Variants in KBTBD12 observed in about 807,000 individuals in gnomAD.
The protein encoded by KBTBD12 is kelch repeat and BTB domain-containing protein 12.
In KBTBD12, 53 loss-of-function variants were observed where a neutral mutation model predicts 58.7. The observed-to-expected ratio is 0.90, with a 90% CI of 0.72 to 1.14. KBTBD12 has a LOEUF of 1.14. Among genes scored for constraint, KBTBD12 ranks in the 50% most tolerant of loss-of-function variants. KBTBD12 has a pLI of 0.00. For missense variants in KBTBD12, 704 were observed against 751.3 expected (o/e 0.94, Z 0.74); for synonymous variants, 236 against 259.8 (o/e 0.91, Z 0.88).
chr3:127,950,714 T>G (rs1235796989), intron 4 of KBTBD12, among the ~76,000 whole-genome samples: 6 of 151,992 alleles, frequency 3.9e-5, no homozygotes, highest in African/African-American at 1.5e-4. Context: ...GCTAACTCAC[T>G]CCACAGGGAG....
At chr3:127,926,810 TTG>T (rs139562539) in intron 2 of KBTBD12, among the ~76,000 whole-genome samples, 3 of 152,144 alleles carry the variant, frequency 2.0e-5, no homozygotes, top group Non-Finnish European at 4.4e-5. Flanking sequence ...TCCTGTTTTT[TTG>T]TGTGTGTGTG....
intron 1 of KBTBD12, among the ~76,000 whole-genome samples, chr3:127,918,286 AC>A (rs1288716915): frequency 6.6e-6 from 1 of 152,256 alleles, no homozygotes; most frequent in Non-Finnish European, 1.5e-5. Flanking sequence ...CACAGTGTAC[AC>A]AACACAGGCA....
At chr3:127,947,793 T>C (rs1940115592) in intron 4 of KBTBD12, among the ~76,000 whole-genome samples, 1 of 152,220 alleles carries the variant, frequency 6.6e-6, no homozygotes, top group Non-Finnish European at 1.5e-5. Flanking sequence ...GCAGGGTTCC[T>C]CTGTCTGTGC....
intron 4 of KBTBD12, among the ~76,000 whole-genome samples, chr3:127,939,186 A>G (rs1939892599): frequency 6.6e-6 from 1 of 152,238 alleles, no homozygotes; most frequent in Admixed American, 6.5e-5. Flanking sequence ...AGCAAGAGCC[A>G]AAACTCAAAG....
At chr3:127,982,759 C>T (rs1376095863) in intron 5 of KBTBD12, among the ~76,000 whole-genome samples, 2 of 152,222 alleles carry the variant, frequency 1.3e-5, no homozygotes, top group African/African-American at 4.8e-5. Flanking sequence ...CTCCCCTGTC[C>T]CAGCTCCAGT....
At chr3:127,917,372 T>C (rs1171598603) in intron 1 of KBTBD12, among the ~76,000 whole-genome samples, 1 of 152,174 alleles carries the variant, frequency 6.6e-6, no homozygotes, top group Non-Finnish European at 1.5e-5. Context: ...TAGGATGAGA[T>C]ATGGGGGAAG....
rs1450069091 is a variant in KBTBD12 at position 127,930,214 on chromosome 3, C to T, written c.1423C>T (p.Arg475Trp). ...YDPSQDQWSV[R>W]APMKYSKYRF... ...CCCCAGCCAAGATCAATGGAGTGTG[C>T]GGGCACCCATGAAGTACTCTAAGTA... The change falls in exon 4 of 6, where the codon CGG (arginine) becomes TGG (tryptophan). Residue 475 changes from arginine (R) to tryptophan (W), a missense_variant. Arg to Trp is a moderately radical substitution (Grantham distance 101). Transcript: ENST00000405109. 2.5e-6 allele frequency: 4 copies of T among 1,608,526 alleles called. No individual in the cohort carries two copies. The highest frequency in any genetic ancestry group is 1.3e-5 in the African/African-American group (1 of 74,914).
chr3:127,954,373 C>T (rs1176312837), intron 4 of KBTBD12, among the ~76,000 whole-genome samples: 2 of 152,158 alleles, frequency 1.3e-5, no homozygotes, highest in African/African-American at 2.4e-5. Flanking sequence ...ATTCTGGGTT[C>T]AACCTCACTG....
intron 5 of KBTBD12, among the ~76,000 whole-genome samples, chr3:127,972,545 T>C (rs1047413829): frequency 3.9e-5 from 6 of 152,124 alleles, no homozygotes; most frequent in African/African-American, 1.4e-4. Context: ...CTAACAGAGC[T>C]CATTGAGGGC....
chr3:127,947,401 G>A (rs1940107018), intron 4 of KBTBD12, among the ~76,000 whole-genome samples: 1 of 152,214 alleles, frequency 6.6e-6, no homozygotes, highest in African/African-American at 2.4e-5. Flanking sequence ...ACTTTGGATG[G>A]TAAGCTGGAA....
intron 4 of KBTBD12, among the ~76,000 whole-genome samples, chr3:127,945,801 C>G (rs1021845726): frequency 4.0e-5 from 6 of 151,722 alleles, no homozygotes; most frequent in Non-Finnish European, 7.4e-5. Flanking sequence ...GCCTTAGCCT[C>G]CCGAGTAGCT....
chr3:127,984,387 C>T lies in KBTBD12; in HGVS notation c.*109C>T. The T allele has an allele frequency of 1.9e-6, 2 of 1,043,974 alleles. No homozygotes were observed. Among genetic ancestry groups the T allele is most frequent in the South Asian group, 1.6e-5 (1 of 62,782 alleles). 64.7% of individuals were successfully genotyped at this position (1,043,974 alleles called of 1,614,324 possible). On this transcript the variant is annotated 3_prime_UTR_variant, in exon 6 of 6. Coordinates refer to ENST00000405109, the MANE Select transcript of KBTBD12 (RefSeq NM_207335.4). Reference sequence around the variant, plus strand: ...GTCATGTGCACTGCATGCGTAGTGGCCTGTGTGTGAAGAAGCAGTGTGTGC... The same window carrying T: ...GTCATGTGCACTGCATGCGTAGTGGTCTGTGTGTGAAGAAGCAGTGTGTGC...
chr3:127,975,301 A>G (rs535654571), intron 5 of KBTBD12, among the ~76,000 whole-genome samples: 1 of 152,326 alleles, frequency 6.6e-6, no homozygotes, highest in East Asian at 1.9e-4. Flanking sequence ...CCTGGAGCTA[A>G]GAGAAAATCC....
intron 4 of KBTBD12, among the ~76,000 whole-genome samples, chr3:127,942,097 G>A (rs1233374615): frequency 6.6e-6 from 1 of 152,038 alleles, no homozygotes; most frequent in African/African-American, 2.4e-5. Context: ...ATCTAAAAGG[G>A]CCTATCTTTT....
intron 5 of KBTBD12, among the ~76,000 whole-genome samples, chr3:127,967,222 G>T (rs773165893): frequency 3.9e-5 from 6 of 152,184 alleles, no homozygotes; most frequent in Admixed American, 1.3e-4. Context: ...CCGAAAGAGT[G>T]GCCAGAATAG....
rs972810980 is a variant in KBTBD12, at chr3:127,941,527, A to C, written c.1492+11244A>C. Among the ~76,000 whole-genome samples, 3 of 152,196 alleles carry C rather than the reference A, an allele frequency of 2.0e-5. 1 individual carries two copies. In the South Asian group the frequency reaches 6.2e-4, roughly 32 times the overall value. On this transcript the variant is annotated intron_variant, in intron 4 of 5. Transcript: ENST00000405109. ...CCAAGAAGATACGAGAATTTCCTCA[A>C]CCTCTCAATCTGATAAAAGACACCT... is the stretch of plus-strand genomic sequence containing the variant.
At chr3:127,928,300 G>T (rs1274913759) in intron 3 of KBTBD12, among the ~76,000 whole-genome samples, 3 of 152,144 alleles carry the variant, frequency 2.0e-5, no homozygotes, top group Non-Finnish European at 4.4e-5. Flanking sequence ...AATTATGAAA[G>T]ATATTTGTGC....
intron 1 of KBTBD12, among the ~76,000 whole-genome samples, chr3:127,915,893 C>T (rs1007840593): frequency 7.9e-5 from 12 of 152,244 alleles, no homozygotes; most frequent in African/African-American, 2.9e-4. Context: ...CGTCGCTAGA[C>T]TGTAAGCACA....
At chr3:127,979,323 A>G (rs1940836661) in intron 5 of KBTBD12, among the ~76,000 whole-genome samples, 1 of 152,244 alleles carries the variant, frequency 6.6e-6, no homozygotes, top group African/African-American at 2.4e-5. Context: ...ACTTTAAAGC[A>G]GTCTCTAAGA....
Sources: allele counts gnomAD v4.1 joint callset (sites outside exome capture counted in the v4.1 genomes callset), GRCh38; gene constraint gnomAD v4.1.1; transcripts MANE v1.5; gene names NCBI Gene and HGNC (gene_info 2026-07-23, HGNC 2026-07-21).